The following PCDH11X variants were observed in gnomAD, a reference collection of about 807,000 sequenced individuals.
The protein encoded by PCDH11X is protocadherin 11 X-linked.
PCDH11X carries 18 observed loss-of-function variants against 53.3 expected under a neutral mutation model. The ratio of observed to expected loss-of-function variants is 0.34; its 90% CI spans 0.23 to 0.50. The LOEUF (loss-of-function observed/expected upper bound fraction) is 0.50. PCDH11X is among the 20% of genes least tolerant of loss of function. The pLI, the probability that PCDH11X is intolerant of heterozygous loss-of-function variation, is 0.98. For synonymous variants in PCDH11X, 279 were observed against 393.3 expected (o/e 0.71, Z 3.44); for missense variants, 570 against 1,032.4 (o/e 0.55, Z 6.14).
chrX:92,015,706 C>T (rs181818008), intron 6 of PCDH11X, among the ~76,000 whole-genome samples: 1 of 112,070 alleles, frequency 8.9e-6, no homozygotes, highest in African/African-American at 3.2e-5. Context: ...TTTGCTACTT[C>T]CATAACATCT....
chrX:92,570,424 G>T (rs1922066864), intron 10 of PCDH11X, among the ~76,000 whole-genome samples: 1 of 111,785 alleles, frequency 8.9e-6, no homozygotes, highest in Non-Finnish European at 1.9e-5. Context: ...GCAACAGTTT[G>T]TAACCCCCTG....
At chrX:92,174,594 C>T (rs1000107070) in intron 6 of PCDH11X, among the ~76,000 whole-genome samples, 1 of 111,720 alleles carries the variant, frequency 9.0e-6, no homozygotes, top group Non-Finnish European at 1.9e-5. Flanking sequence ...GAGAAGATTG[C>T]ATGCTGAAAC....
At chrX:92,014,599 G>A (rs975437219) in intron 6 of PCDH11X, among the ~76,000 whole-genome samples, 11 of 110,272 alleles carry the variant, frequency 1.0e-4, no homozygotes, top group African/African-American at 1.3e-4. Context: ...TGTTTATTGC[G>A]GCACTATTCA....
At chrX:92,258,192 T>C (rs1482062986) in intron 7 of PCDH11X, among the ~76,000 whole-genome samples, 1 of 110,480 alleles carries the variant, frequency 9.1e-6, no homozygotes, top group Non-Finnish European at 1.9e-5. Context: ...AGCAGTCTCC[T>C]GAGGCTGTGC....
At chrX:92,088,628 G>A (rs1023526298) in intron 6 of PCDH11X, among the ~76,000 whole-genome samples, 8 of 111,546 alleles carry the variant, frequency 7.2e-5, no homozygotes, top group African/African-American at 2.6e-4. Context: ...ACACACATCT[G>A]GGAAATACAG....
intron 8 of PCDH11X, among the ~76,000 whole-genome samples, chrX:92,291,741 T>C (rs2068497109): frequency 9.2e-6 from 1 of 108,966 alleles, no homozygotes; most frequent in Non-Finnish European, 1.9e-5. Context: ...TATACTTGAA[T>C]GCCCAGAGAT....
At chrX:91,839,274 A>G (rs1937417611) in intron 5 of PCDH11X, among the ~76,000 whole-genome samples, 1 of 109,636 alleles carries the variant, frequency 9.1e-6, no homozygotes. Flanking sequence ...GATAACCTTC[A>G]GAGCAGGATC....
chrX:92,327,300 G>T (rs2069359853), intron 8 of PCDH11X, among the ~76,000 whole-genome samples: 1 of 87,337 alleles, frequency 1.1e-5, no homozygotes, highest in African/African-American at 4.5e-5. Context: ...ACAACTTTGT[G>T]TTGTACTTTG....
At chrX:92,410,777 G>A (rs1483638157) in intron 9 of PCDH11X, among the ~76,000 whole-genome samples, 1 of 95,235 alleles carries the variant, frequency 1.1e-5, no homozygotes, top group Non-Finnish European at 2.0e-5. Context: ...TATTATAGGG[G>A]AAAATGGAAA....
chrX:92,029,237 T>C (rs933284340), intron 6 of PCDH11X, among the ~76,000 whole-genome samples: 2 of 111,420 alleles, frequency 1.8e-5, no homozygotes, highest in African/African-American at 6.5e-5. Context: ...GGCAAAGTTT[T>C]CGAAGATTAT....
chrX:92,409,079 A>G (rs1465793210), intron 9 of PCDH11X, among the ~76,000 whole-genome samples: 1 of 103,510 alleles, frequency 9.7e-6, no homozygotes, highest in Non-Finnish European at 1.9e-5. Flanking sequence ...GGTGGTGGAC[A>G]AGCCATTGAT....
At chrX:92,174,322 G>A (rs865785455) in intron 6 of PCDH11X, among the ~76,000 whole-genome samples, 1 of 111,316 alleles carries the variant, frequency 9.0e-6, no homozygotes, top group South Asian at 3.8e-4. Flanking sequence ...GAAGGAGAAT[G>A]TGATGATTTT....
At chrX:92,011,396 T>A (rs1227319454) in intron 6 of PCDH11X, among the ~76,000 whole-genome samples, 1 of 112,227 alleles carries the variant, frequency 8.9e-6, no homozygotes, top group Non-Finnish European at 1.9e-5. Context: ...ATTTTTTGAC[T>A]TTTTAATAAT....
chrX:92,477,448 C>T (rs1369087071), intron 10 of PCDH11X, among the ~76,000 whole-genome samples: 6 of 97,922 alleles, frequency 6.1e-5, no homozygotes, highest in African/African-American at 2.3e-4. Context: ...AAAGTCTCTT[C>T]AGTCAGCTTG....
At chrX:92,315,292 C>T (rs866032033) in intron 8 of PCDH11X, among the ~76,000 whole-genome samples, 1 of 112,038 alleles carries the variant, frequency 8.9e-6, no homozygotes, top group Non-Finnish European at 1.9e-5. Context: ...GGAGGATTGG[C>T]ATCTATCCAT....
intron 9 of PCDH11X, among the ~76,000 whole-genome samples, chrX:92,400,857 GA>G (rs1296515352): frequency 9.1e-6 from 1 of 109,740 alleles, no homozygotes; most frequent in African/African-American, 3.3e-5. Flanking sequence ...ATGTTTTTAG[GA>G]TGCATGATGT....
intron 7 of PCDH11X, among the ~76,000 whole-genome samples, chrX:92,207,685 G>A (rs2066500259): frequency 1.8e-5 from 2 of 111,712 alleles, no homozygotes; most frequent in South Asian, 7.4e-4. Flanking sequence ...GACAACTGCT[G>A]TAGAATATAT....
chrX:92,480,045 C>T (rs1316199622), intron 10 of PCDH11X, among the ~76,000 whole-genome samples: 1 of 110,706 alleles, frequency 9.0e-6, no homozygotes, highest in African/African-American at 3.3e-5. Flanking sequence ...TTATGTATTC[C>T]TTTTAATTCT....
At chrX:92,042,996 G>T (rs2063233734) in intron 6 of PCDH11X, among the ~76,000 whole-genome samples, 1 of 109,635 alleles carries the variant, frequency 9.1e-6, no homozygotes, top group South Asian at 3.9e-4. Context: ...ACCATTGTAG[G>T]TAACCTAAAA....
Sources: gnomAD v4.1 joint callset for allele counts (sites outside exome capture counted in the v4.1 genomes callset) on GRCh38, gnomAD v4.1.1 for gene constraint, MANE v1.5 for transcripts, NCBI Gene and HGNC (gene_info 2026-07-23, HGNC 2026-07-21) for gene names.